Variants in GRIK2 observed in about 807,000 individuals in gnomAD.
GRIK2 encodes the protein glutamate receptor ionotropic, kainate 2.
A neutral mutation model predicts 100.3 loss-of-function variants in GRIK2; 32 were observed. The ratio of observed to expected loss-of-function variants is 0.32; its 90% confidence interval spans 0.24 to 0.43. The LOEUF (loss-of-function observed/expected upper bound fraction) is 0.43, where lower values mean the gene tolerates loss of function less well. GRIK2 is among the 20% of genes least tolerant of loss of function. GRIK2 has a pLI of 1.00. For missense variants in GRIK2, 843 were observed against 1,114.9 expected (o/e 0.76, Z 3.47); for synonymous variants, 417 against 389.4 (o/e 1.07, Z -0.83).
At chr6:101,701,929 AT>A (rs1342412828) in intron 7 of GRIK2, among the ~76,000 whole-genome samples, 1 of 151,974 alleles carries the variant, frequency 6.6e-6, no homozygotes, top group Non-Finnish European at 1.5e-5. Context: ...CCCCTAACCG[AT>A]TTGTAAGAGT....
intron 10 of GRIK2, among the ~76,000 whole-genome samples, chr6:101,842,488 G>A (rs1269541414): frequency 2.0e-5 from 3 of 151,852 alleles, no homozygotes; most frequent in Non-Finnish European, 4.4e-5. Context: ...CAAACTTTTA[G>A]TATTAGTTTA....
intron 4 of GRIK2, among the ~76,000 whole-genome samples, chr6:101,642,397 T>C (rs1781314897): frequency 1.3e-5 from 2 of 151,758 alleles, no homozygotes; most frequent in Admixed American, 1.3e-4. Context: ...CCATTCTCCA[T>C]TTCTCTTTCC....
chr6:101,696,374 T>G (rs1772487754), intron 7 of GRIK2, among the ~76,000 whole-genome samples: 1 of 151,930 alleles, frequency 6.6e-6, no homozygotes, highest in South Asian at 2.1e-4. Context: ...ATATTTCCAT[T>G]TCTTTTGTTT....
chr6:101,885,855 T>C (rs1562464107), intron 11 of GRIK2, among the ~76,000 whole-genome samples: 1 of 152,280 alleles, frequency 6.6e-6, no homozygotes, highest in East Asian at 1.9e-4. Flanking sequence ...TCCCCTATTA[T>C]TAACAACTTC....
At chr6:101,438,091 C>T (rs1229496827) in intron 2 of GRIK2, among the ~76,000 whole-genome samples, 1 of 152,040 alleles carries the variant, frequency 6.6e-6, no homozygotes, top group African/African-American at 2.4e-5. Flanking sequence ...TATTGTCCAT[C>T]AAATGAAGGT....
At chr6:101,812,973 C>G (rs1781427322) in intron 9 of GRIK2, among the ~76,000 whole-genome samples, 1 of 151,942 alleles carries the variant, frequency 6.6e-6, no homozygotes, top group African/African-American at 2.4e-5. Flanking sequence ...TTGTTTCTCT[C>G]TCTTTCTACT....
chr6:101,922,161 T>A (rs1789595432), intron 12 of GRIK2, among the ~76,000 whole-genome samples: 1 of 112,082 alleles, frequency 8.9e-6, no homozygotes, highest in Non-Finnish European at 1.9e-5. Context: ...CCCTCACTCC[T>A]TCCTTCCATT....
intron 12 of GRIK2, chr6:101,890,343 T>G (rs1315404805): frequency 6.6e-6 from 1 of 152,530 alleles, no homozygotes; most frequent in Non-Finnish European, 1.5e-5. Flanking sequence ...ATATTTGTGG[T>G]TTTTTTCTTG....
chr6:101,496,727 A>G (rs532884417), intron 2 of GRIK2, among the ~76,000 whole-genome samples: 78 of 152,306 alleles, frequency 5.1e-4, no homozygotes, highest in Non-Finnish European at 9.4e-4. Flanking sequence ...TTAAGTGATT[A>G]TTTACTAACT....
intron 7 of GRIK2, among the ~76,000 whole-genome samples, chr6:101,787,362 TCTTA>T (rs1214708044): frequency 2.0e-5 from 3 of 152,124 alleles, no homozygotes; most frequent in African/African-American, 4.8e-5. Context: ...TTTGATTTGT[TCTTA>T]CTTTTCTAGT....
chr6:101,542,123 G>A (rs1562213102), intron 2 of GRIK2, among the ~76,000 whole-genome samples: 2 of 151,848 alleles, frequency 1.3e-5, no homozygotes, highest in African/African-American at 4.8e-5. Flanking sequence ...TGTTTCTAGG[G>A]AAACTGTAAT....
At chr6:101,996,554 G>A (rs1302860969) in intron 14 of GRIK2, among the ~76,000 whole-genome samples, 1 of 152,096 alleles carries the variant, frequency 6.6e-6, no homozygotes. Flanking sequence ...TTTGTTCAGA[G>A]CACTTAAACA....
In GRIK2 at chr6:101,835,269, T is replaced by G. The variant is rs188367748; in HGVS notation, c.1317+16786T>G. Among the ~76,000 whole-genome samples, 10 of 152,268 alleles carry G rather than the reference T, an allele frequency of 6.6e-5. No individual in the cohort carries two copies. The East Asian group carries it at 1.7e-3, about 26-fold the overall frequency. On this transcript the variant is annotated intron_variant, in intron 10 of 16. Transcript: ENST00000369134. ...AGTTTTATTTTAACTTGTTTAAAGCTTACAAGACTATTCTCCACTTTATGT... is the reference window on the plus strand; with the variant it reads ...AGTTTTATTTTAACTTGTTTAAAGCGTACAAGACTATTCTCCACTTTATGT...
Position 101,679,238 on chromosome 6 carries a change from T to C in GRIK2, c.723+2434T>C, listed in dbSNP as rs543554427. Among the ~76,000 whole-genome samples, 4 of 152,248 alleles carry C rather than the reference T, an allele frequency of 2.6e-5. No homozygotes were observed. In the South Asian group the frequency reaches 8.3e-4, roughly 32 times the overall value. On this transcript the variant is annotated intron_variant, in intron 5 of 16. Coordinates refer to ENST00000369134, the MANE Select transcript of GRIK2 (RefSeq NM_021956.5). Reference sequence around the variant, plus strand: ...GTGTGAAGTAAAATAAAGTAAAAATTGAAGAAATGTGTATAGGCCCCCCTC... The same window carrying C: ...GTGTGAAGTAAAATAAAGTAAAAATCGAAGAAATGTGTATAGGCCCCCCTC...
chr6:101,715,918 T>G (rs1774030870), intron 7 of GRIK2, among the ~76,000 whole-genome samples: 1 of 151,854 alleles, frequency 6.6e-6, no homozygotes, highest in East Asian at 1.9e-4. Flanking sequence ...GTTTGTGTTT[T>G]AACAAAACTC....
intron 10 of GRIK2, among the ~76,000 whole-genome samples, chr6:101,826,892 T>C (rs1474334511): frequency 6.6e-6 from 1 of 152,022 alleles, no homozygotes; most frequent in Non-Finnish European, 1.5e-5. Context: ...TCTTGAAACA[T>C]TGGTGAACAG....
intron 7 of GRIK2, among the ~76,000 whole-genome samples, chr6:101,707,383 A>T (rs1317490800): frequency 6.7e-6 from 1 of 150,070 alleles, no homozygotes; most frequent in African/African-American, 2.4e-5. Context: ...CTGAGTTAAG[A>T]ATATCCATAT....
intron 14 of GRIK2, among the ~76,000 whole-genome samples, chr6:101,961,893 A>G (rs1317897377): frequency 6.6e-6 from 1 of 152,128 alleles, no homozygotes; most frequent in Admixed American, 6.5e-5. Flanking sequence ...TGGGTAGGAT[A>G]GAGATCCACA....
rs576019359 is a variant in GRIK2 at position 102,005,501 on chromosome 6, T to C, written c.2086-29840T>C. ...GAAGAACAATTGATGGTTGACTCAG[T>C]CTTATGCATAACCCTGAGGGAATAA... On this transcript the variant is annotated intron_variant, in intron 14 of 16. Transcript: ENST00000369134. 5.9e-5 allele frequency among the ~76,000 whole-genome samples: 9 copies of C among 152,196 alleles called. 1 individual carries two copies. The highest frequency in any genetic ancestry group is 2.2e-4 in the African/African-American group (9 of 41,562).
Sources: allele counts gnomAD v4.1 joint callset (sites outside exome capture counted in the v4.1 genomes callset), GRCh38; gene constraint gnomAD v4.1.1; transcripts MANE v1.5; gene names NCBI Gene and HGNC (gene_info 2026-07-23, HGNC 2026-07-21).